The following CRIM1 variants were observed in gnomAD, a reference collection of about 807,000 sequenced individuals.
CRIM1 encodes the protein cysteine rich transmembrane BMP regulator 1, also known as cysteine-rich motor neuron 1 protein.
CRIM1 carries 32 observed loss-of-function variants against 116.4 expected under a neutral mutation model. That is an observed-to-expected ratio of 0.27 (90% CI 0.21 to 0.37). The LOEUF is 0.37. CRIM1 is among the 10% of genes least tolerant of loss of function. The pLI is 1.00. For synonymous variants in CRIM1, 590 were observed against 509.2 expected, an observed-to-expected ratio of 1.16 and a Z score of -2.13; for missense variants, 1,331 against 1,354.8, an observed-to-expected ratio of 0.98 and a Z score of 0.28.
intron 2 of CRIM1, among the ~76,000 whole-genome samples, chr2:36,429,523 A>G (rs1240786325): frequency 6.6e-6 from 1 of 152,126 alleles, no homozygotes; most frequent in Non-Finnish European, 1.5e-5. Flanking sequence ...GTCCATCAAG[A>G]CTGTCGCTGT....
chr2:36,490,032 G>A (rs146941480), intron 7 of CRIM1, among the ~76,000 whole-genome samples: 1 of 152,244 alleles, frequency 6.6e-6, no homozygotes, highest in Non-Finnish European at 1.5e-5. Context: ...CCCACCCACC[G>A]TCTCAGATGC....
chr2:36,430,781 A>G (rs1054189325), intron 2 of CRIM1, among the ~76,000 whole-genome samples: 1 of 152,166 alleles, frequency 6.6e-6, no homozygotes, highest in Non-Finnish European at 1.5e-5. Flanking sequence ...CTCACCAGGG[A>G]GAGCCTTTAT....
At chr2:36,378,431 G>C (rs1670482519) in intron 1 of CRIM1, 1 of 470,970 alleles carries the variant, frequency 2.1e-6, no homozygotes, top group South Asian at 1.6e-5. Flanking sequence ...TCCCCCAAAT[G>C]GTCCAGATGC....
chr2:36,395,010 C>CTTT (rs772105466), intron 1 of CRIM1, among the ~76,000 whole-genome samples: 161 of 113,334 alleles, frequency 1.4e-3, no homozygotes, highest in Non-Finnish European at 1.8e-3. Context: ...TTTGTACTGT[C>CTTT]TTTTTTTTTT....
Position 36,412,523 on chromosome 2 carries a change from A to C in CRIM1, c.505+15736A>C, listed in dbSNP as rs980608858. Among the ~76,000 whole-genome samples, 5 of 152,198 alleles carry C rather than the reference A, an allele frequency of 3.3e-5. No homozygotes were observed. In the East Asian group the frequency reaches 9.6e-4, roughly 29 times the overall value. Reference sequence around the variant, plus strand: ...TTCTGTCACTGTTCAGTTCAGAGGGATTTTTAAATCATATACTGACTTTGA... The same window carrying C: ...TTCTGTCACTGTTCAGTTCAGAGGGCTTTTTAAATCATATACTGACTTTGA... On this transcript the variant is annotated intron_variant, in intron 2 of 16. Coordinates refer to ENST00000280527, the MANE Select transcript of CRIM1 (RefSeq NM_016441.3).
chr2:36,400,123 A>G (rs545257248), intron 2 of CRIM1, among the ~76,000 whole-genome samples: 31 of 151,672 alleles, frequency 2.0e-4, no homozygotes, highest in African/African-American at 7.5e-4. Flanking sequence ...TATATAAGAG[A>G]ACTTTATGGT....
intron 12 of CRIM1, among the ~76,000 whole-genome samples, chr2:36,518,342 A>G (rs1453751718): frequency 6.6e-6 from 1 of 152,220 alleles, no homozygotes; most frequent in East Asian, 1.9e-4. Flanking sequence ...AACTTAAATC[A>G]ATAACCATTT....
intron 2 of CRIM1, among the ~76,000 whole-genome samples, chr2:36,422,218 G>A (rs1050680362): frequency 1.3e-5 from 2 of 150,910 alleles, no homozygotes; most frequent in East Asian, 1.9e-4. Flanking sequence ...TCTATTTTGC[G>A]GTTTTATCTT....
chr2:36,468,958 T>C (rs933480612), intron 5 of CRIM1, among the ~76,000 whole-genome samples: 1 of 152,246 alleles, frequency 6.6e-6, no homozygotes, highest in African/African-American at 2.4e-5. Flanking sequence ...GACCTACTTA[T>C]AAAACGTTCC....
intron 5 of CRIM1, among the ~76,000 whole-genome samples, chr2:36,468,441 A>G (rs905578464): frequency 2.0e-5 from 3 of 152,186 alleles, no homozygotes; most frequent in African/African-American, 4.8e-5. Flanking sequence ...AGTTCATGAC[A>G]GTTTGTAACT....
chr2:36,437,507 A>C (rs1332059319), intron 2 of CRIM1, among the ~76,000 whole-genome samples: 2 of 152,254 alleles, frequency 1.3e-5, no homozygotes. Context: ...AGTCAAATTC[A>C]ACAGGATCTT....
intron 13 of CRIM1, among the ~76,000 whole-genome samples, chr2:36,525,940 A>G (rs531591511): frequency 4.6e-5 from 7 of 152,348 alleles, no homozygotes; most frequent in African/African-American, 1.7e-4. Flanking sequence ...CAAATTGTCA[A>G]GTCACTAATG....
chr2:36,440,321 A>G (rs1675706248), intron 2 of CRIM1, among the ~76,000 whole-genome samples: 1 of 152,222 alleles, frequency 6.6e-6, no homozygotes, highest in African/African-American at 2.4e-5. Context: ...CACTTACGGA[A>G]ACATTGCCTG....
At chr2:36,511,806 A>T (rs1463852400) in intron 9 of CRIM1, among the ~76,000 whole-genome samples, 1 of 150,546 alleles carries the variant, frequency 6.6e-6, no homozygotes, top group African/African-American at 2.5e-5. Flanking sequence ...GTACCTGCTG[A>T]CTAAAGAATT....
intron 2 of CRIM1, among the ~76,000 whole-genome samples, chr2:36,413,637 C>T (rs908198215): frequency 5.3e-5 from 8 of 152,142 alleles, no homozygotes; most frequent in African/African-American, 1.9e-4. Context: ...TACACACGTG[C>T]GTATCAATGG....
At chr2:36,369,116 G>GT (rs1242173125) in intron 1 of CRIM1, 1 of 152,150 alleles carries the variant, frequency 6.6e-6, no homozygotes. Context: ...AGGTTGGTTG[G>GT]TGCATATTAG....
intron 12 of CRIM1, among the ~76,000 whole-genome samples, chr2:36,521,362 C>G (rs1294879199): frequency 6.6e-6 from 1 of 152,042 alleles, no homozygotes; most frequent in Non-Finnish European, 1.5e-5. Flanking sequence ...TGGAATGTTG[C>G]ATTTAGGTGG....
At chr2:36,439,493 A>G (rs1217759539) in intron 2 of CRIM1, among the ~76,000 whole-genome samples, 3 of 152,146 alleles carry the variant, frequency 2.0e-5, no homozygotes. Flanking sequence ...AAGGGGTTCT[A>G]AATCGCCAGG....
intron 2 of CRIM1, among the ~76,000 whole-genome samples, chr2:36,415,750 CCTAA>C (rs1468699334): frequency 1.3e-5 from 2 of 152,314 alleles, no homozygotes; most frequent in East Asian, 3.9e-4. Flanking sequence ...TCCTCCATCC[CCTAA>C]CTGAGGACTT....
Sources: gnomAD v4.1 joint callset for allele counts (sites outside exome capture counted in the v4.1 genomes callset) on GRCh38, gnomAD v4.1.1 for gene constraint, MANE v1.5 for transcripts, NCBI Gene and HGNC (gene_info 2026-07-23, HGNC 2026-07-21) for gene names.